LMNTD1: variants seen among roughly 807,000 people sequenced by gnomAD.
LMNTD1 encodes lamin tail domain-containing protein 1.
A neutral mutation model predicts 50.9 loss-of-function variants in LMNTD1; 35 were observed. The observed-to-expected ratio is 0.69, with a 90% CI of 0.53 to 0.91. LMNTD1 has a LOEUF of 0.91. Ranked by LOEUF, LMNTD1 falls within the 40% of genes least tolerant of loss-of-function variation. LMNTD1 has a pLI of 0.00. For synonymous variants in LMNTD1, 153 were observed against 161.9 expected (o/e 0.94, Z 0.42); for missense variants, 470 against 475.5 (o/e 0.99, Z 0.11).
chr12:25,553,178 C>T lies in LMNTD1; in HGVS notation c.-140G>A. 2 of 1,597,928 alleles carry T rather than the reference C, an allele frequency of 1.3e-6. No individual in the cohort carries two copies. Among genetic ancestry groups the T allele is most frequent in the Admixed American group, 3.4e-5 (2 of 58,512 alleles). On this transcript the variant is annotated 5_prime_UTR_variant, in exon 1 of 10. Transcript: ENST00000458174. The stretch of plus-strand genomic sequence containing the variant: ...ATATGTAAGTACCAACATAGCCAAT[C>T]CTGATCTTGGCTAAGGATGTCGGAC...
chr12:25,625,640 C>T (rs1443752915), intron 1 of LMNTD1, among the ~76,000 whole-genome samples: 2 of 152,214 alleles, frequency 1.3e-5, no homozygotes, highest in Non-Finnish European at 2.9e-5. Context: ...TAGTTCTTTT[C>T]AGACTCCCCG....
chr12:25,523,946 A>T (rs1160755948), intron 6 of LMNTD1, among the ~76,000 whole-genome samples: 3 of 152,234 alleles, frequency 2.0e-5, no homozygotes, highest in Non-Finnish European at 4.4e-5. Context: ...ATGAAGGAGC[A>T]GTCAAGCACT....
At chr12:25,523,754 C>T (rs771958267) in intron 6 of LMNTD1, among the ~76,000 whole-genome samples, 2 of 146,034 alleles carry the variant, frequency 1.4e-5, no homozygotes, top group South Asian at 2.1e-4. Flanking sequence ...ACTTTCTAGT[C>T]GAATTAAATA....
chr12:25,509,178 G>A (rs1347055887), intron 8 of LMNTD1, among the ~76,000 whole-genome samples: 1 of 152,132 alleles, frequency 6.6e-6, no homozygotes, highest in Non-Finnish European at 1.5e-5. Flanking sequence ...CGTGATCTCG[G>A]CTCACTGCAA....
intron 8 of LMNTD1, 29 bp from the exon 9 acceptor site, chr12:25,503,829 AG>A: frequency 1.5e-6 from 2 of 1,373,144 alleles, no homozygotes; most frequent in Non-Finnish European, 1.0e-6. Context: ...AATTAAAAAA[AG>A]GAGAGAGGCT....
chr12:25,481,243 G>T lies in LMNTD1; in HGVS notation c.*23-4783C>A, dbSNP rs576632717. On this transcript the variant is annotated intron_variant, in intron 9 of 9. Transcript: ENST00000458174. ...CAGCAGTTCCTTATCATCCTTCTCG[G>T]TTTATTTTCCAGCATATCACCACCT... 2.0e-5 allele frequency among the ~76,000 whole-genome samples: 3 copies of T among 151,900 alleles called. No homozygotes were observed. In the East Asian group the frequency reaches 5.8e-4, roughly 29 times the overall value.
Position 25,519,825 on chromosome 12 carries a change from C to T in LMNTD1, c.1016+33G>A, listed in dbSNP as rs922819591. The stretch of plus-strand genomic sequence containing the variant: ...GCTTAGTTACTAATTGTGGGAAGGA[C>T]CCATTAAAACAAACAAACCAAACAA... On this transcript the variant is annotated intron_variant, in intron 7 of 9. Transcript: ENST00000458174. The T allele has an allele frequency of 2.8e-6, 4 of 1,407,396 alleles. No homozygotes were observed. In the African/African-American group the frequency reaches 5.7e-5, roughly 20 times the overall value. 87.2% of individuals were successfully genotyped at this position (1,407,396 alleles called of 1,614,324 possible).
intron 1 of LMNTD1, among the ~76,000 whole-genome samples, chr12:25,588,599 AAAATC>A (rs1021248043): frequency 6.6e-6 from 1 of 152,214 alleles, no homozygotes; most frequent in African/African-American, 2.4e-5. Context: ...TTGTCAAAAA[AAAATC>A]AAGGTAATGA....
Position 25,591,754 on chromosome 12 carries a change from G to C in LMNTD1, c.59-45200C>G, listed in dbSNP as rs529535210. 1.5e-4 allele frequency among the ~76,000 whole-genome samples: 23 copies of C among 151,050 alleles called. No individual in the cohort carries two copies. In the South Asian group the frequency reaches 4.6e-3, roughly 30 times the overall value. On this transcript the variant is annotated intron_variant, in intron 1 of 7. Coordinates refer to the LMNTD1 transcript ENST00000445693. ...AGGTCTGACCCAGCACACTTGTAGT[G>C]GTGGTGGCCACAGGGGTGCTTCTGT... is the stretch of plus-strand genomic sequence containing the variant.
intron 9 of LMNTD1, among the ~76,000 whole-genome samples, chr12:25,488,924 C>G (rs1938770377): frequency 1.3e-5 from 2 of 152,182 alleles, no homozygotes; most frequent in South Asian, 4.1e-4. Flanking sequence ...GGGGGTGCCT[C>G]CCAGTTAGGC....
At chr12:25,562,190 T>C (rs1385324011) in intron 1 of LMNTD1, among the ~76,000 whole-genome samples, 1 of 152,220 alleles carries the variant, frequency 6.6e-6, no homozygotes, top group Non-Finnish European at 1.5e-5. Flanking sequence ...TGATGTTAGC[T>C]GGTTATGTTG....
chr12:25,641,391 G>A (rs891675999), intron 1 of LMNTD1, among the ~76,000 whole-genome samples: 2 of 152,108 alleles, frequency 1.3e-5, no homozygotes, highest in Non-Finnish European at 2.9e-5. Context: ...CCATGGAAAG[G>A]TTCTGAGGTT....
chr12:25,509,045 T>C (rs1940045232), intron 8 of LMNTD1, among the ~76,000 whole-genome samples: 1 of 152,220 alleles, frequency 6.6e-6, no homozygotes, highest in Non-Finnish European at 1.5e-5. Context: ...ATCCCATGTA[T>C]CAAAGAAGAT....
chr12:25,574,107 T>C (rs920157151), intron 1 of LMNTD1, among the ~76,000 whole-genome samples: 2 of 152,130 alleles, frequency 1.3e-5, no homozygotes, highest in African/African-American at 4.8e-5. Context: ...CTAGTTCTTC[T>C]CCTCATATCA....
At chr12:25,524,859 G>T (rs1941594861) in intron 6 of LMNTD1, among the ~76,000 whole-genome samples, 1 of 152,114 alleles carries the variant, frequency 6.6e-6, no homozygotes, top group Non-Finnish European at 1.5e-5. Context: ...AGCTGAGTGG[G>T]TGAAGGCTGC....
At chr12:25,529,612 C>A (rs1942081282) in intron 4 of LMNTD1, among the ~76,000 whole-genome samples, 1 of 152,146 alleles carries the variant, frequency 6.6e-6, no homozygotes, top group Non-Finnish European at 1.5e-5. Flanking sequence ...TTTTCTCCAT[C>A]CCTGACTGCT....
At chr12:25,572,638 A>G (rs1192481533) in intron 1 of LMNTD1, among the ~76,000 whole-genome samples, 1 of 152,194 alleles carries the variant, frequency 6.6e-6, no homozygotes, top group South Asian at 2.1e-4. Context: ...CAAAAATACC[A>G]TGTGACATGA....
chr12:25,549,356 C>A lies in LMNTD1; in HGVS notation c.280G>T (p.Gly94Cys). 3.1e-6 allele frequency: 5 copies of A among 1,610,172 alleles called. No homozygotes were observed. The highest frequency in any genetic ancestry group is 4.2e-6 in the Non-Finnish European group (5 of 1,177,288). The stretch of plus-strand genomic sequence containing the variant: ...CTGTTTTCCACTCTGGAACAGCTAC[C>A]TACAGTAGCTTTAGAAGTCAATTGT... The part of the protein sequence containing the change: ...TGQLTSKATV[G>C]SCSRVENSLD... The change falls in exon 3 of 10, where the codon GGT (glycine) becomes TGT (cysteine). Residue 94 changes from glycine to cysteine, a missense_variant. Physicochemically the swap from Gly to Cys is radical, Grantham distance 159 (BLOSUM62 -3). Coordinates refer to ENST00000458174, the MANE Select transcript of LMNTD1 (RefSeq NM_001145728.2).
chr12:25,510,548 A>G (rs1940188145), intron 8 of LMNTD1, among the ~76,000 whole-genome samples: 1 of 151,972 alleles, frequency 6.6e-6, no homozygotes, highest in African/African-American at 2.4e-5. Flanking sequence ...CCTCTCCATC[A>G]TCTCCTTTTG....
Sources: allele counts gnomAD v4.1 joint callset (sites outside exome capture counted in the v4.1 genomes callset), GRCh38; gene constraint gnomAD v4.1.1; transcripts MANE v1.5; gene names NCBI Gene and HGNC (gene_info 2026-07-23, HGNC 2026-07-21).